The following GLG1 variants were observed in gnomAD, a reference collection of about 807,000 sequenced individuals.
The protein encoded by GLG1 is Golgi apparatus protein 1.
A neutral mutation model predicts 160.5 loss-of-function variants in GLG1; 38 were observed. The observed-to-expected ratio is 0.24, with a 90% confidence interval of 0.18 to 0.31. The LOEUF (loss-of-function observed/expected upper bound fraction) is 0.31, where lower values mean the gene tolerates loss of function less well. GLG1 is among the 10% of genes least tolerant of loss of function. The pLI is 1.00. For synonymous variants in GLG1, 644 were observed against 543.4 expected (o/e 1.19, Z -2.57); for missense variants, 1,373 against 1,505.2 (o/e 0.91, Z 1.45).
intron 7 of GLG1, 103 bp from the exon 8 acceptor site, chr16:74,491,318 A>G: frequency 1.2e-6 from 1 of 833,708 alleles, no homozygotes; most frequent in Non-Finnish European, 2.0e-6. Context: ...GTAATACAAT[A>G]TACCTATCAG....
intron 1 of GLG1, among the ~76,000 whole-genome samples, chr16:74,567,622 G>A (rs572098940): frequency 7.6e-6 from 1 of 131,160 alleles, no homozygotes; most frequent in Non-Finnish European, 1.5e-5. Flanking sequence ...ACTGCGGACT[G>A]CAGTGGCGCA....
chr16:74,531,422 A>T (rs1212029540), intron 2 of GLG1, among the ~76,000 whole-genome samples: 5 of 152,166 alleles, frequency 3.3e-5, no homozygotes, highest in African/African-American at 1.2e-4. Flanking sequence ...GGGTTCAAGC[A>T]ATTCTCCTGC....
At chr16:74,468,045 A>G (rs2015063196) in intron 17 of GLG1, 197 bp from the exon 18 acceptor site, 1 of 514,364 alleles carries the variant, frequency 1.9e-6, no homozygotes, top group Admixed American at 3.8e-5. Flanking sequence ...CCTTCTTTGC[A>G]AAACACAATG....
chr16:74,528,892 G>A (rs1318535948), intron 2 of GLG1, among the ~76,000 whole-genome samples: 1 of 149,526 alleles, frequency 6.7e-6, no homozygotes, highest in South Asian at 2.1e-4. Flanking sequence ...GAATTTATGG[G>A]TTAATGCCTC....
At chr16:74,549,447 C>G (rs1236358835) in intron 1 of GLG1, among the ~76,000 whole-genome samples, 1 of 152,126 alleles carries the variant, frequency 6.6e-6, no homozygotes, top group Non-Finnish European at 1.5e-5. Flanking sequence ...CCACCACGCC[C>G]GGCTAACTTC....
At chr16:74,570,843 A>G (rs1183927365) in intron 1 of GLG1, among the ~76,000 whole-genome samples, 1 of 152,188 alleles carries the variant, frequency 6.6e-6, no homozygotes, top group Non-Finnish European at 1.5e-5. Context: ...AGCTACAATC[A>G]TGCCACTGCA....
chr16:74,468,017 T>C (rs779404538), intron 17 of GLG1, 169 bp from the exon 18 acceptor site: 10 of 574,000 alleles, frequency 1.7e-5, no homozygotes, highest in African/African-American at 1.1e-4. Flanking sequence ...TGTCACCAAA[T>C]AGCTGCATGG....
intron 19 of GLG1, among the ~76,000 whole-genome samples, chr16:74,463,734 TG>T (rs71392074): frequency 2.1e-4 from 31 of 149,438 alleles, no homozygotes; most frequent in African/African-American, 4.7e-4. Flanking sequence ...GTGTTTTTTT[TG>T]TTGTTGTTGT....
chr16:74,457,846 AGGAT>A (rs1567454163), intron 24 of GLG1, 24 bp downstream of exon 24: 1 of 1,609,286 alleles, frequency 6.2e-7, no homozygotes, highest in Non-Finnish European at 8.5e-7. Flanking sequence ...GAGTTCAGAC[AGGAT>A]CAAGAGTGAA....
intron 2 of GLG1, among the ~76,000 whole-genome samples, chr16:74,525,516 G>C (rs1350850999): frequency 6.6e-6 from 1 of 151,160 alleles, no homozygotes; most frequent in East Asian, 1.9e-4. Flanking sequence ...GGTTGGTCTT[G>C]AACTCCTGGC....
intron 9 of GLG1, among the ~76,000 whole-genome samples, chr16:74,485,156 C>G (rs188069178): frequency 6.6e-6 from 1 of 152,326 alleles, no homozygotes; most frequent in Non-Finnish European, 1.5e-5. Flanking sequence ...ATCCTCTCAC[C>G]TCGGCCTCCC....
At chr16:74,531,656 T>A (rs1304224902) in intron 2 of GLG1, among the ~76,000 whole-genome samples, 1 of 152,174 alleles carries the variant, frequency 6.6e-6, no homozygotes, top group Non-Finnish European at 1.5e-5. Context: ...TTTTCTGACA[T>A]CAACTCACCT....
chr16:74,461,012 T>C (rs1225083804), intron 22 of GLG1, among the ~76,000 whole-genome samples: 1 of 152,238 alleles, frequency 6.6e-6, no homozygotes, highest in Non-Finnish European at 1.5e-5. Flanking sequence ...ATTAAGTTTC[T>C]TTGGACAGTT....
chr16:74,484,313 C>T lies in GLG1; in HGVS notation c.1572-1189G>A, dbSNP rs534654578. 3.9e-5 allele frequency among the ~76,000 whole-genome samples: 6 copies of T among 152,152 alleles called. No homozygotes were observed. The South Asian group carries it at 1.2e-3, about 32-fold the overall frequency. ...TTGCAGAATGGGAAAGCTGCTCTTA[C>T]TTGCAACTGTTTTTTTTTGTTTTTG... On this transcript the variant is annotated intron_variant, in intron 9 of 25. Transcript: ENST00000422840.
intron 1 of GLG1, among the ~76,000 whole-genome samples, chr16:74,593,616 G>A (rs1482057183): frequency 6.6e-6 from 1 of 151,804 alleles, no homozygotes; most frequent in Non-Finnish European, 1.5e-5. Context: ...TGTATTTTTA[G>A]TAGAGACAGG....
In GLG1 at chr16:74,473,320, C is replaced by CCACT. The variant is rs1314762457; in HGVS notation, c.2053-910_2053-909insAGTG. 2.1e-4 allele frequency among the ~76,000 whole-genome samples: 31 copies of CCACT among 150,560 alleles called. 2 individuals carry two copies. The South Asian group carries it at 4.0e-3, about 20-fold the overall frequency. Reference sequence around the variant, plus strand: ...CCTCCGCCTCCCGGGTTCAAGTGATCCTCCTGCCTCAGCCTCCCAAGTACC... The same window carrying CCACT: ...CCTCCGCCTCCCGGGTTCAAGTGATCCACTCTCCTGCCTCAGCCTCCCAAGTACC... On this transcript the variant is annotated intron_variant, in intron 13 of 25. Transcript: ENST00000422840.
intron 4 of GLG1, among the ~76,000 whole-genome samples, chr16:74,501,327 T>C (rs2016397234): frequency 6.6e-6 from 1 of 152,234 alleles, no homozygotes; most frequent in African/African-American, 2.4e-5. Context: ...CCTTTGATGC[T>C]GGTGTAGTGA....
chr16:74,561,919 A>C (rs2018524634), intron 1 of GLG1, among the ~76,000 whole-genome samples: 2 of 152,214 alleles, frequency 1.3e-5, no homozygotes. Context: ...AATCGCTAAA[A>C]ATGGTTTATG....
In GLG1 at chr16:74,451,071, G is replaced by A. The variant is rs3843002; in HGVS notation, c.*2096C>T. The A allele has an allele frequency of 0.99, 150,941 of 152,386 alleles. 74,785 individuals are homozygous for A. The highest frequency in any genetic ancestry group is 1 in the East Asian group (5,164 of 5,164). The allele number at this position is 152,386 out of a possible 1,614,324, so 9.4% of individuals were successfully genotyped here. Reference sequence around the variant, plus strand: ...CCATCCTACCTGCAAACCACACCAGGCACGTCCGTAGGCACCTCCATGTAC... The same window carrying A: ...CCATCCTACCTGCAAACCACACCAGACACGTCCGTAGGCACCTCCATGTAC... On this transcript the variant is annotated 3_prime_UTR_variant, in exon 26 of 26. Coordinates refer to ENST00000422840, the MANE Select transcript of GLG1 (RefSeq NM_001145667.2).
Sources: allele counts gnomAD v4.1 joint callset (sites outside exome capture counted in the v4.1 genomes callset), GRCh38; gene constraint gnomAD v4.1.1; transcripts MANE v1.5; gene names NCBI Gene and HGNC (gene_info 2026-07-23, HGNC 2026-07-21).